Variants in ULK4 observed in about 807,000 individuals in gnomAD.
ULK4 encodes the protein unc-51 like kinase 4, also known as inactive serine/threonine-protein kinase ULK4.
In ULK4, 133 loss-of-function variants were observed where a neutral mutation model predicts 160.6. The ratio of observed to expected loss-of-function variants is 0.83; its 90% CI spans 0.72 to 0.96. The LOEUF (loss-of-function observed/expected upper bound fraction) is 0.96. Ranked by LOEUF, ULK4 falls within the 40% of genes least tolerant of loss-of-function variation. The pLI is 0.00. For missense variants in ULK4, 1,580 were observed against 1,499.5 expected, an observed-to-expected ratio of 1.05 and a Z score of -0.89; for synonymous variants, 534 against 539.8, an observed-to-expected ratio of 0.99 and a Z score of 0.15.
At chr3:41,721,279 T>TTTTGTTTTTGG (rs1553639846) in intron 22 of ULK4, among the ~76,000 whole-genome samples, 1 of 98,922 alleles carries the variant, frequency 1.0e-5, no homozygotes, top group African/African-American at 4.4e-5. Context: ...TTTTTTTTTT[T>TTTTGTTTTTGG]TTTTTGGGTT....
chr3:41,594,632 C>T (rs996735338), intron 31 of ULK4, among the ~76,000 whole-genome samples: 2 of 152,144 alleles, frequency 1.3e-5, no homozygotes, highest in African/African-American at 2.4e-5. Context: ...AAGAGAGATG[C>T]GAGGGACAGA....
rs774736823 is a variant in ULK4 at position 41,365,487 on chromosome 3, AATG to A, written c.3678+32589_3678+32591del. ...AAAATTAATATAACATAGGAATAAA[AATG>A]ATGATAATGACAACAGCAATTAATA... On this transcript the variant is annotated intron_variant, in intron 35 of 36. Coordinates refer to ENST00000301831, the MANE Select transcript of ULK4 (RefSeq NM_017886.4). 5.1e-4 allele frequency among the ~76,000 whole-genome samples: 78 copies of A among 152,366 alleles called. 1 individual carries two copies. The highest frequency in any genetic ancestry group is 1.0e-3 in the Non-Finnish European group (71 of 68,028).
intron 34 of ULK4, among the ~76,000 whole-genome samples, chr3:41,402,468 A>C (rs1038655989): frequency 6.6e-6 from 1 of 152,150 alleles, no homozygotes; most frequent in Non-Finnish European, 1.5e-5. Flanking sequence ...GTAATTCACT[A>C]TTAAGTATGG....
intron 18 of ULK4, among the ~76,000 whole-genome samples, chr3:41,820,549 G>A (rs192228534): frequency 5.9e-5 from 9 of 152,146 alleles, no homozygotes; most frequent in East Asian, 5.8e-4. Context: ...CAAATACCAC[G>A]TGTTCTCACT....
intron 29 of ULK4, among the ~76,000 whole-genome samples, chr3:41,673,845 A>G (rs183552436): frequency 8.0e-4 from 122 of 152,220 alleles, no homozygotes; most frequent in Non-Finnish European, 1.3e-3. Flanking sequence ...ACAATGTTTC[A>G]TATTTTTCTT....
At chr3:41,607,405 T>C (rs1453943865) in intron 31 of ULK4, among the ~76,000 whole-genome samples, 2 of 152,124 alleles carry the variant, frequency 1.3e-5, no homozygotes. Context: ...CAATGATAAA[T>C]TTGACTCTCA....
chr3:41,953,384 C>A (rs904390933), intron 2 of ULK4, among the ~76,000 whole-genome samples: 2 of 148,908 alleles, frequency 1.3e-5, no homozygotes, highest in Non-Finnish European at 3.0e-5. Context: ...CTTACTGCAA[C>A]CTCTGCCTCC....
intron 32 of ULK4, among the ~76,000 whole-genome samples, chr3:41,477,610 C>A (rs1301244977): frequency 1.3e-5 from 2 of 152,208 alleles, no homozygotes; most frequent in East Asian, 3.8e-4. Flanking sequence ...CAATGATTAA[C>A]CACTAAAACC....
chr3:41,324,316 G>T (rs2080302521), intron 35 of ULK4, among the ~76,000 whole-genome samples: 1 of 152,124 alleles, frequency 6.6e-6, no homozygotes, highest in African/African-American at 2.4e-5. Context: ...CTGTCTGAGG[G>T]GGACCACTGA....
Position 41,919,778 on chromosome 3 carries a change from A to G in ULK4, c.582T>C (p.Ala194=), listed in dbSNP as rs1559650517. 2 of 1,614,134 alleles carry G rather than the reference A, an allele frequency of 1.2e-6. No individual in the cohort carries two copies. Among genetic ancestry groups the G allele is most frequent in the Non-Finnish European group, 8.5e-7 (1 of 1,180,002 alleles). The change falls in exon 6 of 37, where the codon GCT becomes GCC. Residue 194 remains alanine (A), a synonymous_variant. Coordinates refer to ENST00000301831, the MANE Select transcript of ULK4 (RefSeq NM_017886.4). ...AGAGGTCACTGGAGATGGAAAAGTC[A>G]GCACCCCTCACAACTTCTGGTGCTG... ...VYTAPEVVRG[A]DFSISSDLWS...
chr3:41,457,557 A>C (rs1466026606), intron 33 of ULK4, among the ~76,000 whole-genome samples: 1 of 152,192 alleles, frequency 6.6e-6, no homozygotes, highest in African/African-American at 2.4e-5. Context: ...TCTGTGCAAC[A>C]AAAGGACACC....
intron 21 of ULK4, among the ~76,000 whole-genome samples, chr3:41,763,936 C>G (rs1022036482): frequency 3.9e-5 from 6 of 152,162 alleles, no homozygotes; most frequent in African/African-American, 1.2e-4. Flanking sequence ...ACATGGCAGT[C>G]AATTCAGAAG....
intron 22 of ULK4, among the ~76,000 whole-genome samples, chr3:41,751,335 A>G (rs1250400204): frequency 6.6e-6 from 1 of 152,192 alleles, no homozygotes; most frequent in Non-Finnish European, 1.5e-5. Flanking sequence ...TGTAGAAAGC[A>G]TCTGCATTTT....
At chr3:41,534,907 A>G (rs576280426) in intron 32 of ULK4, among the ~76,000 whole-genome samples, 2 of 152,310 alleles carry the variant, frequency 1.3e-5, no homozygotes, top group Admixed American at 1.3e-4. Flanking sequence ...AAATCCTTGG[A>G]GACAGATATA....
chr3:41,677,575 C>T (rs557969711), intron 29 of ULK4, among the ~76,000 whole-genome samples: 3 of 152,174 alleles, frequency 2.0e-5, no homozygotes, highest in African/African-American at 7.2e-5. Flanking sequence ...TTATGATCCG[C>T]ATGCCTCGGC....
At chr3:41,770,218 A>G (rs2125917816) in intron 21 of ULK4, among the ~76,000 whole-genome samples, 1 of 152,346 alleles carries the variant, frequency 6.6e-6, no homozygotes, top group South Asian at 2.1e-4. Context: ...TCAAAATTTT[A>G]CATGCATTAA....
At chr3:41,440,951 T>C (rs924994312) in intron 34 of ULK4, among the ~76,000 whole-genome samples, 6 of 152,214 alleles carry the variant, frequency 3.9e-5, no homozygotes, top group Admixed American at 1.3e-4. Context: ...TATTCCCTTA[T>C]TCCTTTTAAT....
chr3:41,679,208 A>C (rs993934808), intron 29 of ULK4, among the ~76,000 whole-genome samples: 1 of 152,226 alleles, frequency 6.6e-6, no homozygotes, highest in Admixed American at 6.5e-5. Flanking sequence ...ATGAGATTAA[A>C]ATAATGAGCC....
rs1237626245 is a variant in ULK4, at chr3:41,770,639, T to G, written c.2194-16151A>C. The stretch of plus-strand genomic sequence containing the variant: ...GATCCTCCTGCCTCACCCTCCCAAG[T>G]AGCTGGGACCACAAGCACGCACTAC... On this transcript the variant is annotated intron_variant, in intron 21 of 36. Coordinates refer to ENST00000301831, the MANE Select transcript of ULK4 (RefSeq NM_017886.4). Among the ~76,000 whole-genome samples the G allele has an allele frequency of 2.6e-5, 4 of 151,708 alleles. No homozygotes were observed. The South Asian group carries it at 8.3e-4, about 32-fold the overall frequency.
Sources: gnomAD v4.1 joint callset for allele counts (sites outside exome capture counted in the v4.1 genomes callset) on GRCh38, gnomAD v4.1.1 for gene constraint, MANE v1.5 for transcripts, NCBI Gene and HGNC (gene_info 2026-07-23, HGNC 2026-07-21) for gene names.